The following KCNQ3 variants were observed in gnomAD, a reference collection of about 807,000 sequenced individuals.
The protein encoded by KCNQ3 is potassium voltage-gated channel subfamily Q member 3, also known as potassium voltage-gated channel subfamily KQT member 3.
In KCNQ3, 30 loss-of-function variants were observed where a neutral mutation model predicts 92.5. The observed-to-expected ratio is 0.32, with a 90% CI of 0.24 to 0.44. KCNQ3 has a LOEUF of 0.44. KCNQ3 is among the 20% of genes least tolerant of loss of function. KCNQ3 has a pLI of 1.00. For missense variants in KCNQ3, 913 were observed against 1,140.3 expected (o/e 0.80, Z 2.87); for synonymous variants, 450 against 468.8 (o/e 0.96, Z 0.52).
chr8:132,206,183 G>C (rs1363622898), intron 1 of KCNQ3, among the ~76,000 whole-genome samples: 1 of 152,142 alleles, frequency 6.6e-6, no homozygotes, highest in Admixed American at 6.5e-5. Context: ...ACGATCTAGA[G>C]CACCTGCTCT....
chr8:132,408,809 C>T (rs1820569741), intron 1 of KCNQ3, among the ~76,000 whole-genome samples: 1 of 152,058 alleles, frequency 6.6e-6, no homozygotes, highest in Admixed American at 6.5e-5. Context: ...GGGAGCCAAC[C>T]CTGGATGACA....
intron 1 of KCNQ3, among the ~76,000 whole-genome samples, chr8:132,344,341 G>A (rs1818618911): frequency 6.6e-6 from 1 of 152,188 alleles, no homozygotes; most frequent in Non-Finnish European, 1.5e-5. Context: ...CTAAATCTGT[G>A]CATGTGTCTA....
At chr8:132,470,133 A>T (rs1408230632) in intron 1 of KCNQ3, among the ~76,000 whole-genome samples, 1 of 152,118 alleles carries the variant, frequency 6.6e-6, no homozygotes, top group Non-Finnish European at 1.5e-5. Flanking sequence ...AGCCTGGCAC[A>T]AGGTTTGGCA....
At chr8:132,324,262 T>G (rs1331971324) in intron 1 of KCNQ3, among the ~76,000 whole-genome samples, 7 of 152,348 alleles carry the variant, frequency 4.6e-5, no homozygotes, top group African/African-American at 1.7e-4. Flanking sequence ...TCAGTTTTTG[T>G]GCCTTTACTT....
chr8:132,332,561 T>G (rs1000448393), intron 1 of KCNQ3, among the ~76,000 whole-genome samples: 5 of 152,214 alleles, frequency 3.3e-5, no homozygotes, highest in Non-Finnish European at 5.9e-5. Context: ...GACCTAACAG[T>G]GGGTTCCCCT....
intron 10 of KCNQ3, 124 bp downstream of exon 10, chr8:132,141,005 G>T: frequency 2.3e-6 from 2 of 878,866 alleles, no homozygotes; most frequent in Non-Finnish European, 3.8e-6. Flanking sequence ...CTTGTCGAGG[G>T]AAGGGAGAGA....
chr8:132,422,646 C>T (rs952570013), intron 1 of KCNQ3, among the ~76,000 whole-genome samples: 14 of 152,332 alleles, frequency 9.2e-5, no homozygotes, highest in Non-Finnish European at 1.6e-4. Flanking sequence ...CTGGGCCTGA[C>T]TGGCTCCCCT....
chr8:132,320,090 C>T (rs965659466), intron 1 of KCNQ3, among the ~76,000 whole-genome samples: 1 of 152,218 alleles, frequency 6.6e-6, no homozygotes, highest in Non-Finnish European at 1.5e-5. Context: ...ATGGTACACA[C>T]ATCTGTCAAT....
chr8:132,263,857 T>C (rs1295603600), intron 1 of KCNQ3, among the ~76,000 whole-genome samples: 1 of 152,156 alleles, frequency 6.6e-6, no homozygotes, highest in Non-Finnish European at 1.5e-5. Context: ...AGTGTATTCT[T>C]ACTTGACTGA....
chr8:132,329,334 C>T (rs966266781), intron 1 of KCNQ3, among the ~76,000 whole-genome samples: 14 of 152,168 alleles, frequency 9.2e-5, no homozygotes, highest in Non-Finnish European at 1.3e-4. Context: ...ACCCAGGTAA[C>T]GAGGTGCTGT....
chr8:132,445,378 T>C (rs1563914948), intron 1 of KCNQ3, among the ~76,000 whole-genome samples: 1 of 152,052 alleles, frequency 6.6e-6, no homozygotes, highest in African/African-American at 2.4e-5. Flanking sequence ...CACGTGGCTT[T>C]CCCGCCTCTC....
chr8:132,434,222 A>T (rs199761493), intron 1 of KCNQ3, among the ~76,000 whole-genome samples: 25,408 of 136,186 alleles, frequency 0.19, 2,368 homozygotes, highest in East Asian at 0.26. Context: ...AAAAAAAAAA[A>T]AAAAATAATA....
chr8:132,373,250 G>A (rs919436902), intron 1 of KCNQ3, among the ~76,000 whole-genome samples: 1 of 152,100 alleles, frequency 6.6e-6, no homozygotes, highest in African/African-American at 2.4e-5. Flanking sequence ...GAGCCCTGGA[G>A]ACCTACACCT....
In KCNQ3 at chr8:132,175,533, C is replaced by G; in HGVS notation, c.853G>C (p.Asp285His). 1 of 1,614,174 alleles carries G rather than the reference C, an allele frequency of 6.2e-7. No individual in the cohort carries two copies. The highest frequency in any genetic ancestry group is 8.5e-7 in the Non-Finnish European group (1 of 1,180,010). Residue 285 changes from aspartate to histidine, a missense_variant, in exon 5 of 15, where the codon GAC becomes CAC. Coordinates refer to ENST00000388996, the MANE Select transcript of KCNQ3 (RefSeq NM_004519.4). ...CCTTGTGCATCCACCTCTGGGACGT[C>G]TTTCTCAACCAGGTAGACAAGAAAT... ...SSFLVYLVEK[D>H]VPEVDAQGEE...
chr8:132,375,476 C>A (rs1044499706), intron 1 of KCNQ3, among the ~76,000 whole-genome samples: 6 of 152,166 alleles, frequency 3.9e-5, no homozygotes, highest in Admixed American at 3.3e-4. Flanking sequence ...CCACTGTACA[C>A]CCCTGTGAGA....
intron 1 of KCNQ3, among the ~76,000 whole-genome samples, chr8:132,334,365 CAG>C (rs1818309003): frequency 6.6e-6 from 1 of 151,906 alleles, no homozygotes; most frequent in South Asian, 2.1e-4. Context: ...CCCAGCTACT[CAG>C]GGGGCTGAGG....
chr8:132,453,961 C>T lies in KCNQ3; in HGVS notation c.386+26186G>A, dbSNP rs143535477. ...TTCGCATCTGGGGTTTGGTTTGGAACTCAGCTCGGACACTGCAAGGCCAAA... is the reference window on the plus strand; with the variant it reads ...TTCGCATCTGGGGTTTGGTTTGGAATTCAGCTCGGACACTGCAAGGCCAAA... On this transcript the variant is annotated intron_variant, in intron 1 of 14. Coordinates refer to ENST00000388996, the MANE Select transcript of KCNQ3 (RefSeq NM_004519.4). 2.1e-3 allele frequency among the ~76,000 whole-genome samples: 315 copies of T among 152,308 alleles called. 5 individuals carry two copies. The highest frequency in any genetic ancestry group is 0.015 in the Admixed American group (227 of 15,298).
chr8:132,403,273 TC>T (rs1820397487), intron 1 of KCNQ3, among the ~76,000 whole-genome samples: 2 of 152,032 alleles, frequency 1.3e-5, no homozygotes, highest in African/African-American at 2.4e-5. Flanking sequence ...CCTTGGGCCC[TC>T]CTGTGGATCT....
chr8:132,185,385 G>T (rs1022424322), intron 2 of KCNQ3, among the ~76,000 whole-genome samples: 10 of 152,240 alleles, frequency 6.6e-5, no homozygotes, highest in Non-Finnish European at 1.2e-4. Flanking sequence ...GTCATTCAAG[G>T]GGCCAGTTGA....
Sources: gnomAD v4.1 joint callset for allele counts (sites outside exome capture counted in the v4.1 genomes callset) on GRCh38, gnomAD v4.1.1 for gene constraint, MANE v1.5 for transcripts, NCBI Gene and HGNC (gene_info 2026-07-23, HGNC 2026-07-21) for gene names.